Variants in RNF128 observed in about 807,000 individuals in gnomAD.
RNF128 encodes ring finger protein 128.
Under a neutral mutation model 26.2 loss-of-function variants are expected in RNF128, and 13 were observed. That is an observed-to-expected ratio of 0.50 (90% confidence interval 0.32 to 0.79). The LOEUF is 0.79. Among genes scored for constraint, RNF128 ranks in the 30% least tolerant of loss-of-function variants. The pLI, the probability that RNF128 is intolerant of heterozygous loss-of-function variation, is 0.03. For missense variants in RNF128, 315 were observed against 349.7 expected (o/e 0.90, Z 0.79); for synonymous variants, 149 against 142.5 (o/e 1.05, Z -0.32).
At chrX:106,777,346 G>A (rs148007449) in intron 2 of RNF128, among the ~76,000 whole-genome samples, 118 of 112,028 alleles carry the variant, frequency 1.1e-3, no homozygotes, top group African/African-American at 3.7e-3. Context: ...AATTAAATTG[G>A]TATAATAATG....
At chrX:106,720,932 G>A (rs935162842) in intron 1 of RNF128, among the ~76,000 whole-genome samples, 2 of 111,560 alleles carry the variant, frequency 1.8e-5, no homozygotes, top group African/African-American at 6.5e-5. Flanking sequence ...CTTAGTTTTA[G>A]ATACAGCGTA....
intron 1 of RNF128, among the ~76,000 whole-genome samples, chrX:106,698,411 G>A (rs1928905161): frequency 9.0e-6 from 1 of 110,707 alleles, no homozygotes; most frequent in Non-Finnish European, 1.9e-5. Flanking sequence ...TGCATGAAAA[G>A]GAAGGGTTTA....
intron 6 of RNF128, among the ~76,000 whole-genome samples, chrX:106,794,128 G>A (rs1243918445): frequency 6.3e-5 from 7 of 110,730 alleles, no homozygotes; most frequent in Non-Finnish European, 1.3e-4. Flanking sequence ...ATAAGGAAGA[G>A]CTCTTCCTTC....
intron 1 of RNF128, among the ~76,000 whole-genome samples, chrX:106,751,578 C>A (rs189838626): frequency 9.1e-6 from 1 of 110,485 alleles, no homozygotes; most frequent in Non-Finnish European, 1.9e-5. Context: ...GCCAAGAAAG[C>A]GTTTGCATCA....
intron 2 of RNF128, among the ~76,000 whole-genome samples, chrX:106,778,204 C>T (rs1259129418): frequency 9.0e-6 from 1 of 111,130 alleles, no homozygotes; most frequent in African/African-American, 3.3e-5. Flanking sequence ...CCTATAACTG[C>T]CATGTTGTTC....
Position 106,727,060 on chromosome X carries a change from G to A in RNF128, c.147G>A (p.Val49=), listed in dbSNP as rs1184954100. 1 of 1,203,974 alleles carries A rather than the reference G, an allele frequency of 8.3e-7. No individual in the cohort carries two copies. Among genetic ancestry groups the A allele is most frequent in the South Asian group, 1.8e-5 (1 of 55,298 alleles). ...CAGTGTGGACCGCGTACCTCAACGT[G>A]TCCTGGCGGGTTCCGCACACGGGAG... ...AEAVWTAYLN[V]SWRVPHTGVN... is the part of the protein sequence containing the mutation. The change falls in exon 1 of 7, where the codon GTG becomes GTA. Residue 49 remains valine (V), a synonymous_variant. Coordinates refer to ENST00000255499, the MANE Select transcript of RNF128 (RefSeq NM_194463.2).
chrX:106,766,622 T>C (rs779373747), intron 1 of RNF128, among the ~76,000 whole-genome samples: 43 of 112,412 alleles, frequency 3.8e-4, no homozygotes, highest in African/African-American at 1.4e-3. Flanking sequence ...TAGCCCTTTG[T>C]CAGATGGGTA....
At chrX:106,743,729 T>C (rs1424043366) in intron 1 of RNF128, among the ~76,000 whole-genome samples, 3 of 112,092 alleles carry the variant, frequency 2.7e-5, no homozygotes, top group African/African-American at 9.7e-5. Flanking sequence ...TTGTGCTTAT[T>C]TGACCCAGCC....
At chrX:106,760,481 A>G (rs997832136) in intron 1 of RNF128, among the ~76,000 whole-genome samples, 1 of 112,136 alleles carries the variant, frequency 8.9e-6, no homozygotes, top group Non-Finnish European at 1.9e-5. Flanking sequence ...GAGACAAAAA[A>G]CAAACAAATA....
At chrX:106,720,220 C>G (rs1929286625) in intron 1 of RNF128, among the ~76,000 whole-genome samples, 1 of 110,114 alleles carries the variant, frequency 9.1e-6, no homozygotes, top group South Asian at 3.9e-4. Context: ...CACTCTTTAT[C>G]CCTCTCCTTC....
chrX:106,785,413 T>A (rs1177412109), intron 3 of RNF128, among the ~76,000 whole-genome samples: 1 of 111,646 alleles, frequency 9.0e-6, no homozygotes, highest in African/African-American at 3.3e-5. Context: ...TCCTGGATTA[T>A]CCAGATAGAT....
At chrX:106,694,247 C>A (rs1357034347) in exon 1 of RNF128, 1 of 1,210,748 alleles carries the variant, frequency 8.3e-7, no homozygotes, top group Admixed American at 2.2e-5. Flanking sequence ...GACCACAACA[C>A]TGAGTTTAGT....
At chrX:106,741,384 G>A (rs1043148768) in intron 1 of RNF128, among the ~76,000 whole-genome samples, 2 of 111,386 alleles carry the variant, frequency 1.8e-5, no homozygotes, top group East Asian at 2.8e-4. Flanking sequence ...AATGGCATGT[G>A]TACCAGCATC....
At chrX:106,784,969 TTTA>T in intron 2 of RNF128, 93 bp from the exon 3 acceptor site, 1 of 615,450 alleles carries the variant, frequency 1.6e-6, no homozygotes, top group South Asian at 3.6e-5. Flanking sequence ...TACATTGACT[TTTA>T]CCTGATAAAT....
chrX:106,795,296 AAGT>A (rs1930895964), intron 6 of RNF128, among the ~76,000 whole-genome samples: 1 of 111,621 alleles, frequency 9.0e-6, no homozygotes, highest in Non-Finnish European at 1.9e-5. Flanking sequence ...GGTAAGGAAG[AAGT>A]AGAAGACATA....
upstream of RNF128, among the ~76,000 whole-genome samples, chrX:106,722,881 G>A (rs1394138248): frequency 9.0e-6 from 1 of 110,908 alleles, no homozygotes. Flanking sequence ...AGAGCAAGGG[G>A]GGTTCATAGG....
intron 2 of RNF128, among the ~76,000 whole-genome samples, chrX:106,781,238 A>G (rs1024471902): frequency 8.9e-5 from 10 of 111,976 alleles, no homozygotes; most frequent in Non-Finnish European, 1.9e-4. Flanking sequence ...ATAATGTGTT[A>G]CTGGAATTTA....
chrX:106,751,257 A>G (rs945673150), intron 1 of RNF128, among the ~76,000 whole-genome samples: 1 of 111,299 alleles, frequency 9.0e-6, no homozygotes, highest in Non-Finnish European at 1.9e-5. Flanking sequence ...GCACAGAGAG[A>G]AAATCTGTGT....
intron 1 of RNF128, among the ~76,000 whole-genome samples, chrX:106,769,131 C>A (rs1278864245): frequency 1.8e-5 from 2 of 111,606 alleles, no homozygotes; most frequent in Non-Finnish European, 3.8e-5. Flanking sequence ...GTTTTACTTC[C>A]AACTATGTCG....
Sources: gnomAD v4.1 joint callset for allele counts (sites outside exome capture counted in the v4.1 genomes callset) on GRCh38, gnomAD v4.1.1 for gene constraint, MANE v1.5 for transcripts, NCBI Gene and HGNC (gene_info 2026-07-23, HGNC 2026-07-21) for gene names.